ATL3: variants seen among roughly 807,000 people sequenced by gnomAD.
ATL3 encodes the protein atlastin-3.
In ATL3, 49 loss-of-function variants were observed where a neutral mutation model predicts 69.5. The observed-to-expected ratio is 0.71, with a 90% CI of 0.56 to 0.89. The LOEUF (loss-of-function observed/expected upper bound fraction) is 0.89. ATL3 is among the 40% of genes least tolerant of loss of function. The pLI, the probability that ATL3 is intolerant of heterozygous loss-of-function variation, is 0.00. For synonymous variants in ATL3, 214 were observed against 224.1 expected (o/e 0.95, Z 0.40); for missense variants, 606 against 645.7 (o/e 0.94, Z 0.67).
At chr11:63,640,592 A>ATCTTTTT (rs1460819949) in intron 8 of ATL3, among the ~76,000 whole-genome samples, 2 of 112,570 alleles carry the variant, frequency 1.8e-5, no homozygotes, top group Non-Finnish European at 3.5e-5. Context: ...CTACCATAGT[A>ATCTTTTT]TCTTTTTTTT....
chr11:63,646,475 GT>G, intron 6 of ATL3, 31 bp downstream of exon 6: 1 of 1,331,422 alleles, frequency 7.5e-7, no homozygotes, highest in East Asian at 2.5e-5. Flanking sequence ...AAAAACAAAG[GT>G]ATGAATTATA....
chr11:63,660,111 G>T lies in ATL3; in HGVS notation c.47-859C>A, dbSNP rs188876595. On this transcript the variant is annotated intron_variant, in intron 1 of 12. Transcript: ENST00000398868. ...AAGAAAAAAAGTACTATCCATAAAAGAAAATAAAATGACAACACAGACTTC... is the reference window on the plus strand; with the variant it reads ...AAGAAAAAAAGTACTATCCATAAAATAAAATAAAATGACAACACAGACTTC... 6.4e-4 allele frequency among the ~76,000 whole-genome samples: 95 copies of T among 147,754 alleles called. 1 individual carries two copies. The East Asian group carries it at 9.5e-3, about 15-fold the overall frequency.
At chr11:63,646,889 T>G (rs539788917) in intron 5 of ATL3, among the ~76,000 whole-genome samples, 2 of 152,306 alleles carry the variant, frequency 1.3e-5, no homozygotes, top group South Asian at 4.2e-4. Context: ...ATATGGTTAG[T>G]TAGATCATAT....
At chr11:63,637,373 A>G (rs1176284944) in intron 8 of ATL3, among the ~76,000 whole-genome samples, 1 of 151,626 alleles carries the variant, frequency 6.6e-6, no homozygotes, top group Admixed American at 6.6e-5. Flanking sequence ...TCACACTACT[A>G]CTCCTTTAAA....
At chr11:63,650,552 T>C (rs942503168) in intron 5 of ATL3, 6 of 152,248 alleles carry the variant, frequency 3.9e-5, no homozygotes, top group African/African-American at 1.4e-4. Flanking sequence ...AATATTTATA[T>C]TTTACAGTTG....
In ATL3 at chr11:63,651,933, T is replaced by C. The variant is rs995315271; in HGVS notation, c.561+3A>G. 7 of 1,592,514 alleles carry C rather than the reference T, an allele frequency of 4.4e-6. No homozygotes were observed. The highest frequency in any genetic ancestry group is 5.1e-6 in the Non-Finnish European group (6 of 1,174,192). On this transcript the variant is annotated splice_donor_region_variant and intron_variant, in intron 5 of 12. Transcript: ENST00000398868. Reference sequence around the variant, plus strand: ...TGTTAAAATTGTTATGAGAAATATATACCTGCAGCTGTTGAAGATCATCTT... The same window carrying C: ...TGTTAAAATTGTTATGAGAAATATACACCTGCAGCTGTTGAAGATCATCTT...
rs146345234 is a variant in ATL3, at chr11:63,664,703, A to G, written c.47-5451T>C. Among the ~76,000 whole-genome samples the G allele has an allele frequency of 8.3e-3, 1,213 of 146,900 alleles. 13 individuals carry two copies. Among genetic ancestry groups the G allele is most frequent in the African/African-American group, 0.028 (1,135 of 39,924 alleles). On this transcript the variant is annotated intron_variant, in intron 1 of 12. Coordinates refer to ENST00000398868, the MANE Select transcript of ATL3 (RefSeq NM_015459.5). The stretch of plus-strand genomic sequence containing the variant: ...AGTGGCGCGATCTTGGCTCAGCGCA[A>G]CCTCCGCCTCCCGGGTTCAAGCGAC...
At chr11:63,647,619 A>C (rs1009291314) in intron 5 of ATL3, among the ~76,000 whole-genome samples, 2 of 152,232 alleles carry the variant, frequency 1.3e-5, no homozygotes, top group Admixed American at 6.5e-5. Context: ...TGTTTTGTGC[A>C]CTACTGGATT....
At chr11:63,643,568 G>C in intron 7 of ATL3, 73 bp from the exon 8 acceptor site, 1 of 1,424,932 alleles carries the variant, frequency 7.0e-7, no homozygotes, top group African/African-American at 1.4e-5. Context: ...CTAGTATAAG[G>C]ACAAAGGAAA....
chr11:63,633,736 A>AG (rs1462259831), intron 10 of ATL3, among the ~76,000 whole-genome samples: 1 of 147,344 alleles, frequency 6.8e-6, no homozygotes, highest in Non-Finnish European at 1.5e-5. Context: ...AAAAAAAAGA[A>AG]GAAGGAAAGG....
chr11:63,641,640 C>T (rs903077383), intron 8 of ATL3, among the ~76,000 whole-genome samples: 4 of 152,094 alleles, frequency 2.6e-5, no homozygotes, highest in African/African-American at 4.8e-5. Context: ...AGTCTCCGGG[C>T]GGAACCAACC....
intron 5 of ATL3, among the ~76,000 whole-genome samples, chr11:63,649,474 A>C (rs1428468094): frequency 6.6e-6 from 1 of 151,944 alleles, no homozygotes; most frequent in East Asian, 1.9e-4. Context: ...AAAATATTTA[A>C]TCTATCTGGT....
At chr11:63,650,877 T>TGGTACAGAACTACCAATTATGA (rs1940054271) in intron 5 of ATL3, 1 of 152,226 alleles carries the variant, frequency 6.6e-6, no homozygotes, top group South Asian at 2.1e-4. Flanking sequence ...GCCATGGCAC[T>TGGTACAGAACTACCAATTATGA]GGTACAGAAC....
intron 1 of ATL3, among the ~76,000 whole-genome samples, chr11:63,667,276 A>G (rs1940601862): frequency 6.6e-6 from 1 of 152,174 alleles, no homozygotes; most frequent in Admixed American, 6.5e-5. Context: ...ATAATATTCT[A>G]TCACTCATCA....
intron 9 of ATL3, 57 bp downstream of exon 9, chr11:63,636,150 G>A (rs2134472835): frequency 2.6e-6 from 4 of 1,566,188 alleles, no homozygotes; most frequent in South Asian, 2.4e-5. Context: ...GTTGATTTAC[G>A]AGTGAGATCA....
intron 3 of ATL3, among the ~76,000 whole-genome samples, chr11:63,655,841 GAAGA>G (rs1483655036): frequency 6.6e-6 from 1 of 152,108 alleles, no homozygotes; most frequent in Non-Finnish European, 1.5e-5. Flanking sequence ...AAAAAAACTT[GAAGA>G]AATAATAACC....
chr11:63,671,459 A>C, upstream of ATL3: 1 of 1,483,058 alleles, frequency 6.7e-7, no homozygotes, highest in Non-Finnish European at 8.9e-7. Context: ...AAAACTAGCC[A>C]GAAGGTGGGG....
chr11:63,657,358 C>T (rs1175894762), intron 3 of ATL3, among the ~76,000 whole-genome samples: 1 of 152,162 alleles, frequency 6.6e-6, no homozygotes, highest in East Asian at 1.9e-4. Flanking sequence ...AGGCTCTATG[C>T]CCATAGCTTA....
chr11:63,671,696 T>A (rs371303969), upstream of ATL3: 10 of 1,309,600 alleles, frequency 7.6e-6, no homozygotes, highest in African/African-American at 1.1e-4. Context: ...GCTCACTGGG[T>A]CCCGGCCAGC....
Sources: allele counts gnomAD v4.1 joint callset (sites outside exome capture counted in the v4.1 genomes callset), GRCh38; gene constraint gnomAD v4.1.1; transcripts MANE v1.5; gene names NCBI Gene and HGNC (gene_info 2026-07-23, HGNC 2026-07-21).